The following B4GALNT1 variants were observed in gnomAD, a reference collection of about 807,000 sequenced individuals.
The protein encoded by B4GALNT1 is beta-1,4-N-acetyl-galactosaminyltransferase 1, also known as beta-1,4 N-acetylgalactosaminyltransferase 1.
A neutral mutation model predicts 55.2 loss-of-function variants in B4GALNT1; 43 were observed. That is an observed-to-expected ratio of 0.78 (90% CI 0.61 to 1.00). The LOEUF is 1.00. B4GALNT1 is among the 50% of genes least tolerant of loss of function. B4GALNT1 has a pLI of 0.00. For missense variants in B4GALNT1, 664 were observed against 729.7 expected (o/e 0.91, Z 1.04); for synonymous variants, 305 against 311.6 (o/e 0.98, Z 0.22).
chr12:57,630,272 G>A lies in B4GALNT1; in HGVS notation c.592C>T (p.Leu198Phe), dbSNP rs928391643. 1 of 1,614,228 alleles carries A rather than the reference G, an allele frequency of 6.2e-7. No homozygotes were observed. The highest frequency in any genetic ancestry group is 1.7e-5 in the Admixed American group (1 of 60,028). Residue 198 changes from leucine to phenylalanine, a missense_variant, in exon 6 of 11, where the codon CTC becomes TTC. Coordinates refer to ENST00000341156, the MANE Select transcript of B4GALNT1 (RefSeq NM_001478.5). ...DVAGEVTGVT[L>F]TGEGQADLTL... Reference sequence around the variant, plus strand: ...AGATCTGCCTGACCCTCTCCAGTGAGAGTAACTCCAGTCACTTCCCCTGCC... The same window carrying A: ...AGATCTGCCTGACCCTCTCCAGTGAAAGTAACTCCAGTCACTTCCCCTGCC...
At chr12:57,629,656 G>A (rs1594983231) in intron 6 of B4GALNT1, 1 of 859,570 alleles carries the variant, frequency 1.2e-6, no homozygotes, top group Non-Finnish European at 1.7e-6. Flanking sequence ...ATGACAAGAA[G>A]AAGCCAGTCT....
intron 9 of B4GALNT1, 67 bp from the exon 10 acceptor site, chr12:57,627,925 C>CGCT: frequency 2.7e-6 from 4 of 1,482,634 alleles, no homozygotes; most frequent in Non-Finnish European, 3.6e-6. Context: ...TCAAGGTCTG[C>CGCT]GCTCCGGTGC....
At position 57,623,985 on chromosome 12, in the gene B4GALNT1, C is replaced by T. The variant is rs1200948247; in HGVS notation, c.*2759G>A. On this transcript the variant is annotated 3_prime_UTR_variant, in exon 11 of 11. Coordinates refer to ENST00000341156, the MANE Select transcript of B4GALNT1 (RefSeq NM_001478.5). The stretch of plus-strand genomic sequence containing the variant: ...TTCCAGGACATCGAGGTAGTCAGCC[C>T]ACCTCCTCTGCCTCAAGGCTGTCCT... The T allele has an allele frequency of 6.2e-7, 1 of 1,611,632 alleles. No homozygotes were observed. Among genetic ancestry groups the T allele is most frequent in the Admixed American group, 1.7e-5 (1 of 59,830 alleles).
Position 57,623,414 on chromosome 12 carries a change from T to C in B4GALNT1, c.*3330A>G. The C allele has an allele frequency of 2.0e-6, 1 of 493,300 alleles. No individual in the cohort carries two copies. Among genetic ancestry groups the C allele is most frequent in the Non-Finnish European group, 3.6e-6 (1 of 280,652 alleles). The allele number at this position is 493,300 out of a possible 1,614,324, so 30.6% of individuals were successfully genotyped here. On this transcript the variant is annotated 3_prime_UTR_variant, in exon 11 of 11. Transcript: ENST00000341156. ...AAAAACACAAAACTATAAAATAAAC[T>C]TAAGAGATAAAATTCTTATTTTTTT...
Position 57,626,677 on chromosome 12 carries a change from G to A in B4GALNT1, c.*67C>T. On this transcript the variant is annotated 3_prime_UTR_variant, in exon 11 of 11. Transcript: ENST00000341156. ...GAGTGCTCACAGGGTGGTGGGGTTT[G>A]TTGGAAATTCCTGGCAGGGACAAGG... The A allele has an allele frequency of 6.3e-7, 1 of 1,579,150 alleles. No homozygotes were observed. The highest frequency in any genetic ancestry group is 1.1e-5 in the South Asian group (1 of 89,176).
Position 57,628,212 on chromosome 12 carries a change from G to A in B4GALNT1, c.1053C>T (p.Tyr351=), listed in dbSNP as rs901370463. The change falls in exon 9 of 11, where the codon TAC becomes TAT. Residue 351 remains tyrosine (Y), a synonymous_variant. Transcript: ENST00000341156. ...CGAAGTCGTCGTCCACCCACAGCAC[G>A]TACTTGGTGGTTACTTGAGACACGG... ...NLAVSQVTTK[Y]VLWVDDDFVF... is the part of the protein sequence containing the mutation. 1 of 1,614,278 alleles carries A rather than the reference G, an allele frequency of 6.2e-7. No homozygotes were observed. The highest frequency in any genetic ancestry group is 8.5e-7 in the Non-Finnish European group (1 of 1,180,044).
chr12:57,625,466 T>C lies in B4GALNT1; in HGVS notation c.*1278A>G. 6.2e-7 allele frequency: 1 copy of C among 1,613,746 alleles called. No homozygotes were observed. The highest frequency in any genetic ancestry group is 8.5e-7 in the Non-Finnish European group (1 of 1,179,888). Reference sequence around the variant, plus strand: ...GCCTCCTCCTGGCTCAGTGTAATGGTGAGATGTGTGGAGAAGAGCGGGGCC... The same window carrying C: ...GCCTCCTCCTGGCTCAGTGTAATGGCGAGATGTGTGGAGAAGAGCGGGGCC... On this transcript the variant is annotated 3_prime_UTR_variant, in exon 11 of 11. Coordinates refer to ENST00000341156, the MANE Select transcript of B4GALNT1 (RefSeq NM_001478.5).
Position 57,625,081 on chromosome 12 carries a change from T to C in B4GALNT1, c.*1663A>G. On this transcript the variant is annotated 3_prime_UTR_variant, in exon 11 of 11. Transcript: ENST00000341156. ...CTTGTGCTCAAGGGGTGCATGTTCA[T>C]GCTGTGTTTCGGGAGTGGTGACTGC... 6.2e-7 allele frequency: 1 copy of C among 1,614,118 alleles called. No individual in the cohort carries two copies. The highest frequency in any genetic ancestry group is 8.5e-7 in the Non-Finnish European group (1 of 1,179,982).
In B4GALNT1 at chr12:57,624,596, C is replaced by T. The variant is rs377598082; in HGVS notation, c.*2148G>A. 4.8e-5 allele frequency: 33 copies of T among 681,624 alleles called. No homozygotes were observed. Among genetic ancestry groups the T allele is most frequent in the Middle Eastern group, 2.5e-4 (1 of 4,012 alleles). The allele number at this position is 681,624 out of a possible 1,614,324, so 42.2% of individuals were successfully genotyped here. A position where few individuals can be genotyped will look rare whatever the true frequency, so the allele number is the denominator to read the frequency against. On this transcript the variant is annotated 3_prime_UTR_variant, in exon 11 of 11. Transcript: ENST00000341156. Reference sequence around the variant, plus strand: ...CTTCTCCATGATGACTGTGGTCTGCCGCACCCGGAGGTGGGCATAGAGATG... The same window carrying T: ...CTTCTCCATGATGACTGTGGTCTGCTGCACCCGGAGGTGGGCATAGAGATG...
intron 1 of B4GALNT1, 37 bp from the exon 2 acceptor site, chr12:57,632,170 G>T: frequency 4.0e-5 from 52 of 1,296,590 alleles, no homozygotes; most frequent in Non-Finnish European, 5.0e-5. Context: ...GAAAGGGAGG[G>T]AAGAAGGGAG....
rs1884816956 is a variant in B4GALNT1, at chr12:57,626,502, G to A, written c.*242C>T. The A allele has an allele frequency of 1.4e-5, 8 of 554,222 alleles. No individual in the cohort carries two copies. In the South Asian group the frequency reaches 1.7e-4, roughly 12 times the overall value. 34.3% of individuals were successfully genotyped at this position (554,222 alleles called of 1,614,324 possible). On this transcript the variant is annotated 3_prime_UTR_variant, in exon 11 of 11. Transcript: ENST00000341156. ...TCCTGCCCCATGAGAATGGGCAGGG[G>A]GAGGACTTGGCACTGGCTGTGGGAG...
chr12:57,627,325 T>C lies in B4GALNT1; in HGVS notation c.1384+293A>G, dbSNP rs74234307. On this transcript the variant is annotated intron_variant, in intron 10 of 10. Coordinates refer to ENST00000341156, the MANE Select transcript of B4GALNT1 (RefSeq NM_001478.5). Reference sequence around the variant, plus strand: ...CTGTGCTGGGAATGGAGATTCAACATGGCACATGTATACACATGTAACAAA... The same window carrying C: ...CTGTGCTGGGAATGGAGATTCAACACGGCACATGTATACACATGTAACAAA... Among the ~76,000 whole-genome samples the C allele has an allele frequency of 9.9e-5, 15 of 151,716 alleles. No homozygotes were observed. The East Asian group carries it at 2.5e-3, about 25-fold the overall frequency.
intron 10 of B4GALNT1, 83 bp from the exon 11 acceptor site, chr12:57,627,044 T>C (rs1037095224): frequency 9.2e-6 from 11 of 1,196,586 alleles, no homozygotes; most frequent in Middle Eastern, 1.9e-4. Context: ...AAATTTAGGG[T>C]GTGGAAAGTG....
chr12:57,626,915 G>C lies in B4GALNT1; in HGVS notation c.1431C>G (p.Ser477=). ...TGGATGCATGATCCACCACGACGTC[G>C]GAGCAGGAGCCAACCCGAAGGGAAC... ...GLGSLRVGSC[S]DVVVDHASKL... Residue 477 remains serine (S), a synonymous_variant, in exon 11 of 11, where the codon TCC becomes TCG. Coordinates refer to ENST00000341156, the MANE Select transcript of B4GALNT1 (RefSeq NM_001478.5). 3 of 1,614,210 alleles carry C rather than the reference G, an allele frequency of 1.9e-6. No individual in the cohort carries two copies. The highest frequency in any genetic ancestry group is 2.5e-6 in the Non-Finnish European group (3 of 1,180,028).
chr12:57,629,286 GA>G, intron 6 of B4GALNT1, 140 bp from the exon 7 acceptor site: 1 of 625,490 alleles, frequency 1.6e-6, no homozygotes, highest in Non-Finnish European at 2.6e-6. Flanking sequence ...TACCTTTATG[GA>G]ACTTACATTC....
intron 6 of B4GALNT1, 125 bp from the exon 7 acceptor site, chr12:57,629,271 G>C (rs1885049261): frequency 1.3e-6 from 1 of 742,870 alleles, no homozygotes; most frequent in Non-Finnish European, 2.1e-6. Context: ...AGAACAGAAG[G>C]TTCTTACCTT....
Position 57,627,671 on chromosome 12 carries a change from T to G in B4GALNT1, c.1331A>C (p.Asp444Ala), listed in dbSNP as rs1392544337. 2 of 1,611,186 alleles carry G rather than the reference T, an allele frequency of 1.2e-6. No individual in the cohort carries two copies. Among genetic ancestry groups the G allele is most frequent in the African/African-American group, 2.7e-5 (2 of 74,968 alleles). Residue 444 changes from aspartate (D) to alanine (A), a missense_variant, in exon 10 of 11, where the codon GAC (aspartate) becomes GCC (alanine). Coordinates refer to ENST00000341156, the MANE Select transcript of B4GALNT1 (RefSeq NM_001478.5). ...GVVNFFLART[D>A]KVREVGFDPR... ...GTCGAAACCGACCTCGCGCACCTTG[T>G]CAGTCCGCGCCAGGAAGAAGTTAAC...
intron 10 of B4GALNT1, 73 bp downstream of exon 10, chr12:57,627,545 G>C: frequency 6.6e-7 from 1 of 1,508,232 alleles, no homozygotes; most frequent in Non-Finnish European, 8.9e-7. Flanking sequence ...AGCCTAGGAG[G>C]AGAGGCGCGT....
Position 57,624,095 on chromosome 12 carries a change from C to A in B4GALNT1, c.*2649G>T. On this transcript the variant is annotated 3_prime_UTR_variant, in exon 11 of 11. Transcript: ENST00000341156. ...AACTATGGCACATCAGCCGAGTGGA[C>A]TTTGTGAGAAATGCCATTACCCCCA... is the stretch of plus-strand genomic sequence containing the variant. 1 of 1,613,912 alleles carries A rather than the reference C, an allele frequency of 6.2e-7. No homozygotes were observed.
Sources: gnomAD v4.1 joint callset for allele counts (sites outside exome capture counted in the v4.1 genomes callset) on GRCh38, gnomAD v4.1.1 for gene constraint, MANE v1.5 for transcripts, NCBI Gene and HGNC (gene_info 2026-07-23, HGNC 2026-07-21) for gene names.